Variants in PLEKHG2 observed in about 807,000 individuals in gnomAD.
PLEKHG2 encodes pleckstrin homology and RhoGEF domain containing G2, also known as pleckstrin homology domain-containing family G member 2.
Under a neutral mutation model 104.4 loss-of-function variants are expected in PLEKHG2, and 71 were observed. That is an observed-to-expected ratio of 0.68 (90% CI 0.56 to 0.83). The LOEUF is 0.83. Among genes scored for constraint, PLEKHG2 ranks in the 40% least tolerant of loss-of-function variants. The pLI, the probability that PLEKHG2 is intolerant of heterozygous loss-of-function variation, is 0.00. For synonymous variants in PLEKHG2, 728 were observed against 737.0 expected (o/e 0.99, Z 0.20); for missense variants, 1,730 against 1,809.4 (o/e 0.96, Z 0.80).
Position 39,415,148 on chromosome 19 carries a change from T to C in PLEKHG2, c.266T>C (p.Leu89Pro). 1 of 1,599,936 alleles carries C rather than the reference T, an allele frequency of 6.3e-7. No homozygotes were observed. Among genetic ancestry groups the C allele is most frequent in the Admixed American group, 1.7e-5 (1 of 58,382 alleles). ...PLPGPPIRLH[L>P]SPVGIPGSAR... ...CCAGGGCCTCCCATCCGCCTACATC[T>C]CTCTCCGGTGGGGATCCCAGGTTCA... Residue 89 changes from leucine (L) to proline (P), a missense_variant, in exon 3 of 19, where the codon CTC (leucine) becomes CCC (proline). Physicochemically the swap from Leu to Pro is moderately conservative, Grantham distance 98. Transcript: ENST00000425673. The surrounding 1 kb of genome is among the most constrained non-coding windows in gnomAD (Gnocchi z 4.6).
At position 39,416,835 on chromosome 19, in the gene PLEKHG2, G is replaced by A; in HGVS notation, c.594-15G>A. On this transcript the variant is annotated splice_polypyrimidine_tract_variant and intron_variant, in intron 6 of 18. Coordinates refer to ENST00000425673, the MANE Select transcript of PLEKHG2 (RefSeq NM_022835.3). The surrounding 1 kb of genome is among the most constrained non-coding windows in gnomAD (Gnocchi z 4.5). ...TGGAACTGACAATCCCCACTGACCT[G>A]TGCTGTGCCCCCAGCTCCCTGGCCC... 6.3e-7 allele frequency: 1 copy of A among 1,592,034 alleles called. No individual in the cohort carries two copies. Among genetic ancestry groups the A allele is most frequent in the South Asian group, 1.1e-5 (1 of 88,300 alleles).
Position 39,424,317 on chromosome 19 carries a change from A to C in PLEKHG2, c.3184A>C (p.Arg1062=). The C allele has an allele frequency of 6.2e-7, 1 of 1,614,152 alleles. No individual in the cohort carries two copies. The highest frequency in any genetic ancestry group is 8.5e-7 in the Non-Finnish European group (1 of 1,180,012). ...CCCACTGACAAAGCAAGGAGGTTCC[A>C]GGGATGTTCAGGGCCCAGACCCTGT... The part of the protein sequence containing the change: ...NIPLTKQGGS[R]DVQGPDPVCS... Residue 1062 remains arginine (R), a synonymous_variant, in exon 19 of 19, where the codon AGG becomes CGG. Transcript: ENST00000425673.
rs2078589764 is a variant in PLEKHG2 at position 39,415,529 on chromosome 19, C to T, written c.479+90C>T. The stretch of plus-strand genomic sequence containing the variant: ...CCTCGGAGCTTCGTAGTGTCCTGTC[C>T]AGGCTGGTACGTGGGGTTGTGACAT... On this transcript the variant is annotated intron_variant, in intron 4 of 18. Transcript: ENST00000425673. This position sits in a 1 kb window ranked among gnomAD's most constrained non-coding sequence, Gnocchi z 4.6. 3 of 1,390,608 alleles carry T rather than the reference C, an allele frequency of 2.2e-6. No homozygotes were observed. Among genetic ancestry groups the T allele is most frequent in the Non-Finnish European group, 3.0e-6 (3 of 1,008,112 alleles). 86.1% of individuals were successfully genotyped at this position (1,390,608 alleles called of 1,614,324 possible).
In PLEKHG2 at chr19:39,416,845, C is replaced by G; in HGVS notation, c.594-5C>G. 6.3e-7 allele frequency: 1 copy of G among 1,598,666 alleles called. No homozygotes were observed. The highest frequency in any genetic ancestry group is 1.1e-5 in the South Asian group (1 of 89,328). ...AATCCCCACTGACCTGTGCTGTGCCCCCAGCTCCCTGGCCCTGCTCCGGGA... is the reference window on the plus strand; with the variant it reads ...AATCCCCACTGACCTGTGCTGTGCCGCCAGCTCCCTGGCCCTGCTCCGGGA... On this transcript the variant is annotated splice_polypyrimidine_tract_variant and splice_region_variant and intron_variant, in intron 6 of 18. Transcript: ENST00000425673. The surrounding 1 kb of genome is among the most constrained non-coding windows in gnomAD (Gnocchi z 4.5).
rs1600651949 is a variant in PLEKHG2 at position 39,418,000 on chromosome 19, T to C, written c.978T>C (p.Gly326=). ...LEGAFRGGGG[G]GPRLRGGERL... Reference sequence around the variant, plus strand: ...GCGCGTTCCGAGGAGGCGGAGGGGGTGGCCCCCGGCTACGAGGGGGTGAGC... The same window carrying C: ...GCGCGTTCCGAGGAGGCGGAGGGGGCGGCCCCCGGCTACGAGGGGGTGAGC... The change falls in exon 9 of 19, where the codon GGT becomes GGC. Residue 326 remains glycine (G), a synonymous_variant. Coordinates refer to ENST00000425673, the MANE Select transcript of PLEKHG2 (RefSeq NM_022835.3). The C allele has an allele frequency of 6.4e-7, 1 of 1,554,406 alleles. No homozygotes were observed. Among genetic ancestry groups the C allele is most frequent in the Non-Finnish European group, 8.7e-7 (1 of 1,152,146 alleles).
Position 39,415,041 on chromosome 19 carries a change from A to T in PLEKHG2, c.159A>T (p.Thr53=). The T allele has an allele frequency of 6.3e-7, 1 of 1,597,916 alleles. No individual in the cohort carries two copies. Among genetic ancestry groups the T allele is most frequent in the Non-Finnish European group, 8.5e-7 (1 of 1,172,160 alleles). The change falls in exon 3 of 19, where the codon ACA becomes ACT. Residue 53 remains threonine (T), a synonymous_variant. Transcript: ENST00000425673. This position sits in a 1 kb window ranked among gnomAD's most constrained non-coding sequence, Gnocchi z 4.6. ...MASPRGSGSS[T]SLSTVGSEGD... Reference sequence around the variant, plus strand: ...CCCCCCGAGGTTCTGGGAGCTCCACATCCCTGAGCACAGTGGGCTCTGAGG... The same window carrying T: ...CCCCCCGAGGTTCTGGGAGCTCCACTTCCCTGAGCACAGTGGGCTCTGAGG...
rs10407035 is a variant in PLEKHG2, at chr19:39,422,994, G to A, written c.1940G>A (p.Arg647His). The A allele has an allele frequency of 0.13, 210,384 of 1,614,006 alleles. 16,837 individuals are homozygous for A. Among genetic ancestry groups the A allele is most frequent in the East Asian group, 0.37 (16,567 of 44,860 alleles). Residue 647 changes from arginine to histidine, a missense_variant, in exon 18 of 19, where the codon CGC becomes CAC. Transcript: ENST00000425673. ...CCCAACCTTCCTGAAATTCCCAGCC[G>A]CTGTGAAATTCCCGAAGGTTCTCGC... is the stretch of plus-strand genomic sequence containing the variant. ...DVPNLPEIPS[R>H]CEIPEGSRLP... is the part of the protein sequence containing the mutation.
At chr19:39,422,057 T>A in intron 16 of PLEKHG2, 58 bp from the exon 17 acceptor site, 1 of 1,509,070 alleles carries the variant, frequency 6.6e-7, no homozygotes, top group Non-Finnish European at 8.9e-7. Context: ...GGACTTGGGG[T>A]CCTCTATGTG....
Position 39,420,668 on chromosome 19 carries a change from G to A in PLEKHG2, c.1297+9G>A. On this transcript the variant is annotated intron_variant, in intron 12 of 18. Coordinates refer to ENST00000425673, the MANE Select transcript of PLEKHG2 (RefSeq NM_022835.3). Reference sequence around the variant, plus strand: ...TGAAAACAGCCTGCATTGTGAGTTGGGGCCTTGGGCTGGGAGGGTGTGGAA... The same window carrying A: ...TGAAAACAGCCTGCATTGTGAGTTGAGGCCTTGGGCTGGGAGGGTGTGGAA... 3.7e-6 allele frequency: 6 copies of A among 1,614,106 alleles called. No individual in the cohort carries two copies. Among genetic ancestry groups the A allele is most frequent in the Non-Finnish European group, 5.1e-6 (6 of 1,180,010 alleles).
intron 2 of PLEKHG2, 82 bp from the exon 3 acceptor site, chr19:39,414,910 G>C (rs1052043962): frequency 1.4e-6 from 2 of 1,434,138 alleles, no homozygotes; most frequent in African/African-American, 1.4e-5. Context: ...GTGTGGGTGA[G>C]GGTGTGGGCT....
rs779962934 is a variant in PLEKHG2 at position 39,417,550 on chromosome 19, G to C, written c.745-5G>C. The stretch of plus-strand genomic sequence containing the variant: ...ATCCCTGCGTGCCTGGTGGCTGCCT[G>C]ACAGGAACTAGGGAAGCACTGGGCG... On this transcript the variant is annotated splice_polypyrimidine_tract_variant and splice_region_variant and intron_variant, in intron 7 of 18. Coordinates refer to ENST00000425673, the MANE Select transcript of PLEKHG2 (RefSeq NM_022835.3). The C allele has an allele frequency of 6.2e-7, 1 of 1,613,360 alleles. No homozygotes were observed. Among genetic ancestry groups the C allele is most frequent in the Non-Finnish European group, 8.5e-7 (1 of 1,179,678 alleles).
intron 17 of PLEKHG2, 87 bp downstream of exon 17, chr19:39,422,375 A>T: frequency 2.2e-6 from 3 of 1,373,654 alleles, no homozygotes; most frequent in Non-Finnish European, 2.9e-6. Flanking sequence ...CCATGCTGAT[A>T]CCTTTATTTT....
In PLEKHG2 at chr19:39,420,822, A is replaced by G; in HGVS notation, c.1369A>G (p.Arg457Gly). 6.2e-7 allele frequency: 1 copy of G among 1,614,170 alleles called. No individual in the cohort carries two copies. The highest frequency in any genetic ancestry group is 8.5e-7 in the Non-Finnish European group (1 of 1,180,022). The change falls in exon 13 of 19, where the codon AGA becomes GGA. Residue 457 changes from arginine (R) to glycine (G), a missense_variant. Transcript: ENST00000425673. The stretch of plus-strand genomic sequence containing the variant: ...TGGGTCTCCTCGACCTCGAGATGCT[A>G]GAAGTTTTACCCCTGGGCGAAGGAA... ...PLGSPRPRDARSFTPGRRNTA... is the reference protein window; with the variant it reads ...PLGSPRPRDAGSFTPGRRNTA...
chr19:39,417,519 C>G (rs370859038), intron 7 of PLEKHG2, 36 bp from the exon 8 acceptor site: 1 of 1,605,908 alleles, frequency 6.2e-7, no homozygotes, highest in African/African-American at 1.3e-5. Flanking sequence ...CTCTGTTTCT[C>G]TCCCCATCCC....
rs2078720661 is a variant in PLEKHG2, at chr19:39,422,809, C to T, written c.1755C>T (p.Ala585=). Residue 585 remains alanine, a synonymous_variant, in exon 18 of 19, where the codon GCC becomes GCT. Transcript: ENST00000425673. ...PGDSETLTFQ[A]LPSRDSSEEE... ...ACAGCGAAACCCTCACATTCCAAGC[C>T]CTGCCCAGCCGGGACTCTTCAGAAG... The T allele has an allele frequency of 5.2e-6, 8 of 1,539,162 alleles. No homozygotes were observed. Among genetic ancestry groups the T allele is most frequent in the Non-Finnish European group, 5.2e-6 (6 of 1,144,672 alleles).
Position 39,413,990 on chromosome 19 carries a change from C to T in PLEKHG2, c.-22-75C>T. On this transcript the variant is annotated intron_variant, in intron 1 of 18. Transcript: ENST00000425673. The surrounding 1 kb of genome is among the most constrained non-coding windows in gnomAD (Gnocchi z 4.5). The stretch of plus-strand genomic sequence containing the variant: ...GGATTTACACCACGCTCCTAATTCC[C>T]AGCCCCCATCTGTGAGTCTGGGCGG... 2 of 1,030,144 alleles carry T rather than the reference C, an allele frequency of 1.9e-6. No homozygotes were observed. Among genetic ancestry groups the T allele is most frequent in the South Asian group, 1.6e-5 (1 of 63,914 alleles). 63.8% of individuals were successfully genotyped at this position (1,030,144 alleles called of 1,614,324 possible).
rs1300526019 is a variant in PLEKHG2 at position 39,413,422 on chromosome 19, G to A, written c.-23+10G>A. 1 of 152,172 alleles carries A rather than the reference G, an allele frequency of 6.6e-6. No individual in the cohort carries two copies. The highest frequency in any genetic ancestry group is 1.5e-5 in the Non-Finnish European group (1 of 68,050). The allele number at this position is 152,172 out of a possible 1,614,324, so 9.4% of individuals were successfully genotyped here. On this transcript the variant is annotated intron_variant, in intron 1 of 18. Coordinates refer to ENST00000425673, the MANE Select transcript of PLEKHG2 (RefSeq NM_022835.3). The surrounding 1 kb of genome is among the most constrained non-coding windows in gnomAD (Gnocchi z 4.5). ...GGAGGCTCCCCGGGAGGTGAGGGGG[G>A]AGGCGAGGGGCCCAGGCGGACTGGG... is the stretch of plus-strand genomic sequence containing the variant.
In PLEKHG2 at chr19:39,412,832, G is replaced by T. The variant is rs1181034090; in HGVS notation, c.-603G>T. The T allele has an allele frequency of 6.6e-6, 1 of 152,096 alleles. No individual in the cohort carries two copies. Among genetic ancestry groups the T allele is most frequent in the African/African-American group, 2.4e-5 (1 of 41,396 alleles). 9.4% of individuals were successfully genotyped at this position (152,096 alleles called of 1,614,324 possible). Reference sequence around the variant, plus strand: ...GCTGGAGGACTTGAGCCATCCAGGTGCGCAGCGCCCCCTCCTGGAGCAGCC... The same window carrying T: ...GCTGGAGGACTTGAGCCATCCAGGTTCGCAGCGCCCCCTCCTGGAGCAGCC... On this transcript the variant is annotated 5_prime_UTR_variant, in exon 1 of 19. Transcript: ENST00000425673.
In PLEKHG2 at chr19:39,416,985, C is replaced by T; in HGVS notation, c.729C>T (p.Tyr243=). Residue 243 remains tyrosine, a synonymous_variant, in exon 7 of 19, where the codon TAC becomes TAT. Transcript: ENST00000425673. This position sits in a 1 kb window ranked among gnomAD's most constrained non-coding sequence, Gnocchi z 4.5. ...LLKPVQRILK[Y]HLLLQELGKH... is the part of the protein sequence containing the mutation. ...AACCTGTCCAGCGCATTCTCAAGTA[C>T]CATCTGCTGCTGCAGGTCAGCTGGG... 1.2e-6 allele frequency: 2 copies of T among 1,607,460 alleles called. No individual in the cohort carries two copies. Among genetic ancestry groups the T allele is most frequent in the Non-Finnish European group, 1.7e-6 (2 of 1,175,634 alleles).
Sources: allele counts gnomAD v4.1 joint callset, GRCh38; gene constraint gnomAD v4.1.1; non-coding constraint Gnocchi (gnomAD v3.1); transcripts MANE v1.5; gene names NCBI Gene and HGNC (gene_info 2026-07-23, HGNC 2026-07-21).